ZFYVE9: variants seen among roughly 807,000 people sequenced by gnomAD.
The protein encoded by ZFYVE9 is zinc finger FYVE-type containing 9, also known as zinc finger FYVE domain-containing protein 9.
A neutral mutation model predicts 126.7 loss-of-function variants in ZFYVE9; 43 were observed. The observed-to-expected ratio is 0.34, with a 90% CI of 0.27 to 0.44. ZFYVE9 has a LOEUF of 0.44. Among genes scored for constraint, ZFYVE9 ranks in the 20% least tolerant of loss-of-function variants. ZFYVE9 has a pLI of 1.00. For missense variants in ZFYVE9, 1,476 were observed against 1,697.0 expected (o/e 0.87, Z 2.29); for synonymous variants, 521 against 597.4 (o/e 0.87, Z 1.87).
intron 10 of ZFYVE9, among the ~76,000 whole-genome samples, chr1:52,287,137 C>G (rs189374487): frequency 6.6e-6 from 1 of 151,848 alleles, no homozygotes; most frequent in African/African-American, 2.4e-5. Context: ...TCGCCCGGGC[C>G]GGAGTGCAGT....
intron 2 of ZFYVE9, among the ~76,000 whole-genome samples, chr1:52,230,157 C>T (rs185509014): frequency 1.2e-4 from 18 of 152,244 alleles, no homozygotes; most frequent in Admixed American, 6.5e-4. Flanking sequence ...CGTGAGCCTC[C>T]GCGCCCTGCC....
At chr1:52,144,471 A>C (rs1442825813) in intron 1 of ZFYVE9, among the ~76,000 whole-genome samples, 1 of 152,174 alleles carries the variant, frequency 6.6e-6, no homozygotes, top group African/African-American at 2.4e-5. Flanking sequence ...GATGGCCCAA[A>C]GAACTTTATT....
chr1:52,162,434 G>A (rs912224781), intron 1 of ZFYVE9: 10 of 255,362 alleles, frequency 3.9e-5, no homozygotes, highest in African/African-American at 1.6e-4. Flanking sequence ...CATTGTCTTG[G>A]TAATAGAATA....
chr1:52,198,147 A>C, intron 1 of ZFYVE9, among the ~76,000 whole-genome samples: 1 of 91,076 alleles, frequency 1.1e-5, no homozygotes, highest in South Asian at 4.1e-4. Flanking sequence ...TTTGAGATGG[A>C]GTCTCACTCT....
At chr1:52,198,046 C>G (rs1644878070) in intron 1 of ZFYVE9, among the ~76,000 whole-genome samples, 1 of 151,122 alleles carries the variant, frequency 6.6e-6, no homozygotes, top group African/African-American at 2.4e-5. Flanking sequence ...GAAAAGGGAG[C>G]CAAACTGGAA....
chr1:52,178,575 T>A (rs1346355361), intron 1 of ZFYVE9, among the ~76,000 whole-genome samples: 1 of 152,026 alleles, frequency 6.6e-6, no homozygotes, highest in Admixed American at 6.5e-5. Context: ...GTGATCCACC[T>A]GCCTCGGCCT....
chr1:52,304,261 T>A (rs1316489852), intron 13 of ZFYVE9, among the ~76,000 whole-genome samples: 2 of 152,026 alleles, frequency 1.3e-5, no homozygotes, highest in Non-Finnish European at 2.9e-5. Context: ...AATATTTATT[T>A]ATTTATTTAT....
rs552020306 is a variant in ZFYVE9 at position 52,259,787 on chromosome 1, A to T, written c.2179-3986A>T. The stretch of plus-strand genomic sequence containing the variant: ...ACTCCAGCCTGGGCGACACAGCAAG[A>T]CTGTGTCTAAAAATAAAAAAGAAAA... On this transcript the variant is annotated intron_variant, in intron 4 of 18. Transcript: ENST00000287727. 2.0e-5 allele frequency among the ~76,000 whole-genome samples: 3 copies of T among 152,250 alleles called. No homozygotes were observed. In the East Asian group the frequency reaches 5.8e-4, roughly 29 times the overall value.
At chr1:52,209,571 A>G (rs557195059) in intron 1 of ZFYVE9, among the ~76,000 whole-genome samples, 9 of 152,234 alleles carry the variant, frequency 5.9e-5, no homozygotes, top group Non-Finnish European at 1.3e-4. Flanking sequence ...TGGACATTTC[A>G]TATTAATAGA....
chr1:52,239,691 G>A (rs1320097210), intron 4 of ZFYVE9, 96 bp downstream of exon 4: 20 of 1,373,152 alleles, frequency 1.5e-5, no homozygotes, highest in Non-Finnish European at 1.6e-5. Flanking sequence ...TATATGTCTG[G>A]TTGAGTTGAC....
chr1:52,259,028 T>C (rs1645551698), intron 4 of ZFYVE9, among the ~76,000 whole-genome samples: 2 of 152,114 alleles, frequency 1.3e-5, no homozygotes, highest in South Asian at 4.1e-4. Flanking sequence ...TACCACAAAT[T>C]GGGCAGCTTA....
chr1:52,240,271 G>A (rs1355553795), intron 4 of ZFYVE9, among the ~76,000 whole-genome samples: 1 of 152,176 alleles, frequency 6.6e-6, no homozygotes, highest in Admixed American at 6.5e-5. Flanking sequence ...AATAAGGAAG[G>A]AAGGAGATTT....
At chr1:52,179,374 C>G (rs566072873) in intron 1 of ZFYVE9, among the ~76,000 whole-genome samples, 1 of 152,298 alleles carries the variant, frequency 6.6e-6, no homozygotes, top group African/African-American at 2.4e-5. Flanking sequence ...GTGGCTCATG[C>G]CTGTAATTCC....
chr1:52,165,470 A>G (rs1418071549), intron 1 of ZFYVE9, among the ~76,000 whole-genome samples: 1 of 152,186 alleles, frequency 6.6e-6, no homozygotes, highest in African/African-American at 2.4e-5. Context: ...GTATACATGC[A>G]TGTGTGTGTA....
At chr1:52,247,069 T>C (rs1284652212) in intron 4 of ZFYVE9, among the ~76,000 whole-genome samples, 3 of 152,166 alleles carry the variant, frequency 2.0e-5, no homozygotes, top group African/African-American at 7.2e-5. Context: ...GCTCAAGGGA[T>C]CCTCTTCACC....
At chr1:52,187,017 C>T (rs2124549698) in intron 1 of ZFYVE9, among the ~76,000 whole-genome samples, 1 of 152,216 alleles carries the variant, frequency 6.6e-6, no homozygotes, top group Non-Finnish European at 1.5e-5. Context: ...CCAAGGGCAT[C>T]CTCAGGAAAA....
intron 3 of ZFYVE9, among the ~76,000 whole-genome samples, chr1:52,234,101 G>A (rs535340308): frequency 6.6e-6 from 1 of 152,242 alleles, no homozygotes; most frequent in East Asian, 1.9e-4. Flanking sequence ...TCTATTTAGG[G>A]AAGACTTTTC....
intron 13 of ZFYVE9, among the ~76,000 whole-genome samples, chr1:52,313,715 T>C (rs561314085): frequency 4.3e-4 from 65 of 152,112 alleles, no homozygotes; most frequent in Non-Finnish European, 8.7e-4. Flanking sequence ...TCCTACCTAA[T>C]AAGCTTTAAA....
At chr1:52,306,889 G>A (rs1415659190) in intron 13 of ZFYVE9, among the ~76,000 whole-genome samples, 2 of 152,170 alleles carry the variant, frequency 1.3e-5, no homozygotes, top group Non-Finnish European at 2.9e-5. Flanking sequence ...CGGAACCCAC[G>A]CTTGCTTTCT....
Sources: allele counts gnomAD v4.1 joint callset (sites outside exome capture counted in the v4.1 genomes callset), GRCh38; gene constraint gnomAD v4.1.1; transcripts MANE v1.5; gene names NCBI Gene and HGNC (gene_info 2026-07-23, HGNC 2026-07-21).